SORT1: variants seen among roughly 807,000 people sequenced by gnomAD.
The protein encoded by SORT1 is sortilin.
In SORT1, 39 loss-of-function variants were observed where a neutral mutation model predicts 101.7. The ratio of observed to expected loss-of-function variants is 0.38; its 90% CI spans 0.30 to 0.50. The LOEUF (loss-of-function observed/expected upper bound fraction) is 0.50, where lower values mean the gene tolerates loss of function less well. SORT1 is among the 20% of genes least tolerant of loss of function. The pLI is 0.90. For missense variants in SORT1, 878 were observed against 1,040.4 expected, an observed-to-expected ratio of 0.84 and a Z score of 2.15; for synonymous variants, 396 against 393.7, an observed-to-expected ratio of 1.01 and a Z score of -0.07.
intron 1 of SORT1, among the ~76,000 whole-genome samples, chr1:109,394,417 T>C (rs1207108317): frequency 6.6e-6 from 1 of 151,850 alleles, no homozygotes; most frequent in African/African-American, 2.4e-5. Flanking sequence ...TGAAAAGAAA[T>C]GATATGAGAA....
Position 109,322,942 on chromosome 1 carries a change from C to T in SORT1, c.2014G>A (p.Asp672Asn). 1 of 1,612,602 alleles carries T rather than the reference C, an allele frequency of 6.2e-7. No individual in the cohort carries two copies. The highest frequency in any genetic ancestry group is 8.5e-7 in the Non-Finnish European group (1 of 1,179,194). ...GAGGAATGCTGATACCAGAGAAAGTCCTCCAGGGAACAGAGGCAGATGGAG... is the reference window on the plus strand; with the variant it reads ...GAGGAATGCTGATACCAGAGAAAGTTCTCCAGGGAACAGAGGCAGATGGAG... ...QPSICLCSLE[D>N]FLCDFGYYRP... Residue 672 changes from aspartate (D) to asparagine (N), a missense_variant, in exon 15 of 20, where the codon GAC (aspartate) becomes AAC (asparagine). This residue lies in a region of SORT1 where 684 missense variants were observed against 894.5 expected (regional missense o/e 0.76). Coordinates refer to ENST00000256637, the MANE Select transcript of SORT1 (RefSeq NM_002959.7).
intron 15 of SORT1, among the ~76,000 whole-genome samples, chr1:109,320,019 G>A (rs1647517661): frequency 6.6e-6 from 1 of 152,094 alleles, no homozygotes; most frequent in Non-Finnish European, 1.5e-5. Context: ...TGCCAACCTT[G>A]GCATTGGTAA....
intron 15 of SORT1, among the ~76,000 whole-genome samples, chr1:109,319,846 G>A (rs1325160158): frequency 3.3e-5 from 5 of 149,310 alleles, no homozygotes; most frequent in Non-Finnish European, 7.4e-5. Context: ...CGGCCTGGGC[G>A]ACAGCACGAG....
chr1:109,377,425 G>C (rs1269989256), intron 1 of SORT1, among the ~76,000 whole-genome samples: 1 of 152,116 alleles, frequency 6.6e-6, no homozygotes, highest in Non-Finnish European at 1.5e-5. Context: ...TTATTGATCT[G>C]TATGTAATCT....
intron 5 of SORT1, among the ~76,000 whole-genome samples, chr1:109,352,410 C>A (rs1650030305): frequency 6.6e-6 from 1 of 152,136 alleles, no homozygotes; most frequent in East Asian, 1.9e-4. Context: ...AATTAGAGTT[C>A]TCAAAAGGAG....
Position 109,354,439 on chromosome 1 carries a change from G to C in SORT1, c.636C>G (p.Leu212=). 1.2e-6 allele frequency: 2 copies of C among 1,613,274 alleles called. No homozygotes were observed. The highest frequency in any genetic ancestry group is 1.7e-6 in the Non-Finnish European group (2 of 1,179,266). Residue 212 remains leucine, a synonymous_variant, in exon 5 of 20, where the codon CTC becomes CTG. Coordinates refer to ENST00000256637, the MANE Select transcript of SORT1 (RefSeq NM_002959.7). ...TCATCTGAGTGAGAGGATGAAAAGG[G>C]AGATCTGTTTGCACAAAATTCTTCG... The part of the protein sequence containing the change: ...DFAKNFVQTD[L]PFHPLTQMMY...
Position 109,323,140 on chromosome 1 carries a change from G to C in SORT1, c.1835-19C>G. The C allele has an allele frequency of 6.2e-7, 1 of 1,600,102 alleles. No homozygotes were observed. Among genetic ancestry groups the C allele is most frequent in the African/African-American group, 1.3e-5 (1 of 74,766 alleles). The stretch of plus-strand genomic sequence containing the variant: ...TCTTCACCTAAAGGAGAGACACACT[G>C]TTCAGGAAAGTACACAGCACAGAAC... On this transcript the variant is annotated intron_variant, in intron 14 of 19. Coordinates refer to ENST00000256637, the MANE Select transcript of SORT1 (RefSeq NM_002959.7).
intron 8 of SORT1, among the ~76,000 whole-genome samples, chr1:109,343,342 C>T (rs564360313): frequency 2.0e-5 from 3 of 152,146 alleles, no homozygotes; most frequent in African/African-American, 7.2e-5. Flanking sequence ...ACAACCTCCA[C>T]GTCGCCAACT....
At chr1:109,351,850 G>A (rs1233343202) in intron 5 of SORT1, among the ~76,000 whole-genome samples, 2 of 152,168 alleles carry the variant, frequency 1.3e-5, no homozygotes, top group Admixed American at 6.5e-5. Flanking sequence ...ACATTAGTTC[G>A]GTAAGAGCTA....
intron 10 of SORT1, among the ~76,000 whole-genome samples, chr1:109,339,305 G>A (rs1447712178): frequency 6.6e-6 from 1 of 152,198 alleles, no homozygotes; most frequent in Non-Finnish European, 1.5e-5. Context: ...TTGAGTGCAA[G>A]GCTGTTCAGC....
At chr1:109,394,747 A>G (rs1485633673) in intron 1 of SORT1, among the ~76,000 whole-genome samples, 2 of 152,156 alleles carry the variant, frequency 1.3e-5, no homozygotes, top group Admixed American at 1.3e-4. Context: ...GCATTCACAT[A>G]CATTGATGAT....
At chr1:109,329,213 T>C (rs928593112) in intron 11 of SORT1, among the ~76,000 whole-genome samples, 2 of 152,126 alleles carry the variant, frequency 1.3e-5, no homozygotes, top group Admixed American at 6.5e-5. Flanking sequence ...AAAAAAGATA[T>C]TCCACTCAAA....
chr1:109,316,498 C>T (rs1022135384), intron 17 of SORT1, among the ~76,000 whole-genome samples: 1 of 152,166 alleles, frequency 6.6e-6, no homozygotes, highest in African/African-American at 2.4e-5. Flanking sequence ...TTCCAAAGTG[C>T]TGGGATTACA....
At position 109,314,398 on chromosome 1, in the gene SORT1, C is replaced by A. The variant is rs1658914494; in HGVS notation, c.2358-14G>T. 2 of 1,613,244 alleles carry A rather than the reference C, an allele frequency of 1.2e-6. No individual in the cohort carries two copies. Among genetic ancestry groups the A allele is most frequent in the Non-Finnish European group, 1.7e-6 (2 of 1,179,808 alleles). On this transcript the variant is annotated splice_polypyrimidine_tract_variant and intron_variant, in intron 18 of 19. Transcript: ENST00000256637. ...TGCACCAGGAACCTGTGAACAGAAA[C>A]CTCCTTAACACTCGGTGGTACACAG...
At chr1:109,375,933 C>T (rs1048782881) in intron 1 of SORT1, among the ~76,000 whole-genome samples, 10 of 152,122 alleles carry the variant, frequency 6.6e-5, no homozygotes, top group African/African-American at 2.4e-4. Flanking sequence ...ATTACTAAAA[C>T]ATCACACACA....
At chr1:109,342,981 T>C (rs955067925) in intron 8 of SORT1, among the ~76,000 whole-genome samples, 7 of 152,286 alleles carry the variant, frequency 4.6e-5, no homozygotes, top group Middle Eastern at 3.4e-3. Flanking sequence ...ACTTTGAATC[T>C]TATTCTCATT....
At position 109,317,952 on chromosome 1, in the gene SORT1, C is replaced by A; in HGVS notation, c.2042G>T (p.Arg681Leu). 1 of 1,612,698 alleles carries A rather than the reference C, an allele frequency of 6.2e-7. No homozygotes were observed. Among genetic ancestry groups the A allele is most frequent in the Non-Finnish European group, 8.5e-7 (1 of 1,178,770 alleles). ...CACACACTTGGAGTCATTTTCTGGA[C>A]GGTAGTAGCCAAAATCACTGCAAGA... ...EDFLCDFGYY[R>L]PENDSKCVEQ... The change falls in exon 16 of 20, where the codon CGT becomes CTT. Residue 681 changes from arginine to leucine, a missense_variant. By Grantham distance (102) the Arg-to-Leu change is moderately radical. Coordinates refer to ENST00000256637, the MANE Select transcript of SORT1 (RefSeq NM_002959.7).
chr1:109,372,042 C>T (rs1651509740), intron 1 of SORT1, among the ~76,000 whole-genome samples: 1 of 152,080 alleles, frequency 6.6e-6, no homozygotes, highest in African/African-American at 2.4e-5. Flanking sequence ...GAGATAAATC[C>T]AGGAGAGCTA....
rs1658772597 is a variant in SORT1 at position 109,312,288 on chromosome 1, A to C, written c.*1755T>G. The C allele has an allele frequency of 6.6e-6, 1 of 152,610 alleles. No individual in the cohort carries two copies. Among genetic ancestry groups the C allele is most frequent in the Non-Finnish European group, 1.5e-5 (1 of 68,040 alleles). The allele number at this position is 152,610 out of a possible 1,614,324, so 9.5% of individuals were successfully genotyped here. A position where few individuals can be genotyped will look rare whatever the true frequency, so the allele number is the denominator to read the frequency against. On this transcript the variant is annotated 3_prime_UTR_variant, in exon 20 of 20. Transcript: ENST00000256637. Reference sequence around the variant, plus strand: ...CCATGCAAAATGAATAAGCAAAAAGACTAGTGCACTCCAGCCCTAACCATA... The same window carrying C: ...CCATGCAAAATGAATAAGCAAAAAGCCTAGTGCACTCCAGCCCTAACCATA...
Sources: gnomAD v4.1 joint callset for allele counts (sites outside exome capture counted in the v4.1 genomes callset) on GRCh38, gnomAD v4.1.1 for gene constraint, gnomAD v4.1.1 regional missense constraint, MANE v1.5 for transcripts, NCBI Gene and HGNC (gene_info 2026-07-23, HGNC 2026-07-21) for gene names.